STAC: variants seen among roughly 807,000 people sequenced by gnomAD.
STAC encodes SH3 and cysteine-rich domain-containing protein.
Under a neutral mutation model 48.8 loss-of-function variants are expected in STAC, and 43 were observed. The ratio of observed to expected loss-of-function variants is 0.88; its 90% confidence interval spans 0.69 to 1.14. The LOEUF (loss-of-function observed/expected upper bound fraction) is 1.14. STAC is among the 50% of genes most tolerant of loss of function. The pLI is 0.00. For missense variants in STAC, 497 were observed against 504.0 expected, an observed-to-expected ratio of 0.99 and a Z score of 0.13; for synonymous variants, 193 against 179.5, an observed-to-expected ratio of 1.07 and a Z score of -0.60.
intron 8 of STAC, among the ~76,000 whole-genome samples, chr3:36,522,404 A>G (rs1289295534): frequency 6.6e-6 from 1 of 152,204 alleles, no homozygotes. Flanking sequence ...CTAAATATGC[A>G]TTACAAATAT....
In STAC at chr3:36,493,047, T is replaced by C. The variant is rs1423919887; in HGVS notation, c.688-104T>C. The stretch of plus-strand genomic sequence containing the variant: ...CAAGACAGCAATCACTGGGTCCTTA[T>C]GTGTCATGCAAATTCTACCTAAGCT... On this transcript the variant is annotated intron_variant, in intron 5 of 10. Transcript: ENST00000273183. 12 of 1,055,142 alleles carry C rather than the reference T, an allele frequency of 1.1e-5. No individual in the cohort carries two copies. In the Middle Eastern group the frequency reaches 1.0e-3, roughly 90 times the overall value. The allele number at this position is 1,055,142 out of a possible 1,614,324, so 65.4% of individuals were successfully genotyped here.
At chr3:36,474,049 C>T (rs1035066748) in intron 2 of STAC, among the ~76,000 whole-genome samples, 5 of 152,102 alleles carry the variant, frequency 3.3e-5, no homozygotes, top group African/African-American at 9.7e-5. Context: ...TTAGCAATAG[C>T]GTGTGCATGC....
At position 36,546,395 on chromosome 3, in the gene STAC, C is replaced by CTG. The variant is rs1699448573; in HGVS notation, c.*106_*107insTG. 2 of 931,082 alleles carry CTG rather than the reference C, an allele frequency of 2.1e-6. No homozygotes were observed. The highest frequency in any genetic ancestry group is 3.4e-6 in the Non-Finnish European group (2 of 582,748). 57.7% of individuals were successfully genotyped at this position (931,082 alleles called of 1,614,324 possible). A position where few individuals can be genotyped will look rare whatever the true frequency, so the allele number is the denominator to read the frequency against. Reference sequence around the variant, plus strand: ...GAGCTGCCGCACTGACCCAGCCCCCCAGGAAACAGTGAGACAAGAATCAAG... The same window carrying CTG: ...GAGCTGCCGCACTGACCCAGCCCCCCTGAGGAAACAGTGAGACAAGAATCAAG... On this transcript the variant is annotated 3_prime_UTR_variant, in exon 11 of 11. Coordinates refer to ENST00000273183, the MANE Select transcript of STAC (RefSeq NM_003149.3).
intron 2 of STAC, 146 bp from the exon 3 acceptor site, chr3:36,482,846 C>A: frequency 1.6e-6 from 1 of 614,088 alleles, no homozygotes; most frequent in Non-Finnish European, 2.9e-6. Flanking sequence ...AAGAATCTAC[C>A]ATATATATTT....
intron 10 of STAC, among the ~76,000 whole-genome samples, chr3:36,542,710 T>C (rs1438004814): frequency 1.3e-5 from 2 of 152,236 alleles, no homozygotes; most frequent in East Asian, 3.9e-4. Context: ...TTTTATGTTG[T>C]CAGTCAGATT....
intron 2 of STAC, among the ~76,000 whole-genome samples, chr3:36,457,890 A>T (rs1228659737): frequency 6.6e-6 from 1 of 152,142 alleles, no homozygotes; most frequent in Non-Finnish European, 1.5e-5. Flanking sequence ...ACCTAACTCT[A>T]TTTGCTATTT....
intron 2 of STAC, among the ~76,000 whole-genome samples, chr3:36,469,944 A>G (rs571442725): frequency 6.6e-6 from 1 of 152,012 alleles, no homozygotes; most frequent in African/African-American, 2.4e-5. Context: ...TATGCTACCT[A>G]TTTCACTGAA....
chr3:36,546,229 C>T lies in STAC; in HGVS notation c.1149C>T (p.Ile383=). 1.2e-6 allele frequency: 2 copies of T among 1,614,024 alleles called. No homozygotes were observed. The highest frequency in any genetic ancestry group is 2.7e-5 in the African/African-American group (2 of 75,018). ...CTGAAGAAGAACAAGATGGTTTTAT[C>T]AGAGTCCTCAGTGGAAAAAAGAAAG... ...VSSEEEQDGF[I]RVLSGKKKGL... is the part of the protein sequence containing the mutation. The change falls in exon 11 of 11, where the codon ATC becomes ATT. Residue 383 remains isoleucine, a synonymous_variant. Coordinates refer to ENST00000273183, the MANE Select transcript of STAC (RefSeq NM_003149.3).
intron 8 of STAC, among the ~76,000 whole-genome samples, chr3:36,524,865 G>A (rs1025148005): frequency 2.0e-5 from 3 of 152,176 alleles, no homozygotes; most frequent in Middle Eastern, 3.4e-3. Flanking sequence ...GGCTACCCTC[G>A]AGCAAGATCC....
rs11305660 is a variant in STAC, at chr3:36,528,767, TA to T, written c.972+30del. On this transcript the variant is annotated intron_variant, in intron 9 of 10. Coordinates refer to ENST00000273183, the MANE Select transcript of STAC (RefSeq NM_003149.3). Reference sequence around the variant, plus strand: ...TGGAAAGTAAGTGTTCCTCTTTCTTTAAAAAAAAAAGAGAAAATCATTTGGT... The same window carrying T: ...TGGAAAGTAAGTGTTCCTCTTTCTTTAAAAAAAAAGAGAAAATCATTTGGT... 131,251 of 1,365,472 alleles carry T rather than the reference TA, an allele frequency of 0.096. 7,323 individuals carry two copies. The highest frequency in any genetic ancestry group is 0.3 in the East Asian group (11,923 of 39,454). 84.6% of individuals were successfully genotyped at this position (1,365,472 alleles called of 1,614,324 possible). A position where few individuals can be genotyped will look rare whatever the true frequency, so the allele number is the denominator to read the frequency against.
intron 8 of STAC, among the ~76,000 whole-genome samples, chr3:36,526,156 G>T (rs1294997289): frequency 6.6e-6 from 1 of 152,090 alleles, no homozygotes; most frequent in East Asian, 1.9e-4. Flanking sequence ...ATAGAAGGGG[G>T]AGCACATTTA....
chr3:36,524,595 A>T (rs1698884398), intron 8 of STAC, among the ~76,000 whole-genome samples: 1 of 152,108 alleles, frequency 6.6e-6, no homozygotes, highest in South Asian at 2.1e-4. Context: ...CCATCTCAAA[A>T]AAATAAATAA....
chr3:36,545,863 C>T (rs1435655984), intron 10 of STAC, among the ~76,000 whole-genome samples: 1 of 152,178 alleles, frequency 6.6e-6, no homozygotes, highest in Non-Finnish European at 1.5e-5. Flanking sequence ...ACATGCTAGG[C>T]TCCTTGACAA....
intron 1 of STAC, among the ~76,000 whole-genome samples, chr3:36,435,383 G>A (rs1190178052): frequency 8.6e-5 from 13 of 151,990 alleles, no homozygotes; most frequent in Admixed American, 2.0e-4. Flanking sequence ...CCTTATGGTG[G>A]CCTGCCTCAC....
chr3:36,546,614 A>AACACACT lies in STAC; in HGVS notation c.*326_*332dup. On this transcript the variant is annotated 3_prime_UTR_variant, in exon 11 of 11. Transcript: ENST00000273183. ...CTTTCCTGTCTGTGTGGTGTAAGTTAACACACTGGAGTGTGCTCCAGTTTG... is the reference window on the plus strand; with the variant it reads ...CTTTCCTGTCTGTGTGGTGTAAGTTAACACACTACACACTGGAGTGTGCTCCAGTTTG... The AACACACT allele has an allele frequency of 1.0e-5, 4 of 391,444 alleles. No homozygotes were observed. The highest frequency in any genetic ancestry group is 1.9e-5 in the Non-Finnish European group (4 of 212,472). 24.2% of individuals were successfully genotyped at this position (391,444 alleles called of 1,614,324 possible).
chr3:36,542,644 G>A (rs552542297), intron 10 of STAC, among the ~76,000 whole-genome samples: 1 of 152,242 alleles, frequency 6.6e-6, no homozygotes, highest in South Asian at 2.1e-4. Context: ...GTTTCCATAA[G>A]TATTTCCATT....
chr3:36,494,925 A>C (rs1420437483), intron 6 of STAC, among the ~76,000 whole-genome samples: 1 of 152,202 alleles, frequency 6.6e-6, no homozygotes, highest in Admixed American at 6.5e-5. Context: ...GACTCACCAG[A>C]GACTTGCATG....
intron 2 of STAC, among the ~76,000 whole-genome samples, chr3:36,456,598 C>A (rs1386213305): frequency 6.6e-6 from 1 of 152,088 alleles, no homozygotes; most frequent in African/African-American, 2.4e-5. Flanking sequence ...ACATCAACTG[C>A]CAGAAGTTTG....
chr3:36,416,898 G>C (rs1279679436), intron 1 of STAC, among the ~76,000 whole-genome samples: 1 of 152,142 alleles, frequency 6.6e-6, no homozygotes, highest in Non-Finnish European at 1.5e-5. Context: ...GCTTCCTCTG[G>C]TACTGTTACC....
Sources: allele counts gnomAD v4.1 joint callset (sites outside exome capture counted in the v4.1 genomes callset), GRCh38; gene constraint gnomAD v4.1.1; transcripts MANE v1.5; gene names NCBI Gene and HGNC (gene_info 2026-07-23, HGNC 2026-07-21).